The following PKP4 variants were observed in gnomAD, a reference collection of about 807,000 sequenced individuals.
PKP4 encodes the protein plakophilin-4.
In PKP4, 90 loss-of-function variants were observed where a neutral mutation model predicts 145.1. The observed-to-expected ratio is 0.62, with a 90% CI of 0.52 to 0.74. The LOEUF (loss-of-function observed/expected upper bound fraction) is 0.74. Among genes scored for constraint, PKP4 ranks in the 30% least tolerant of loss-of-function variants. The pLI, the probability that PKP4 is intolerant of heterozygous loss-of-function variation, is 0.00. For missense variants in PKP4, 1,340 were observed against 1,482.7 expected (o/e 0.90, Z 1.58); for synonymous variants, 563 against 577.2 (o/e 0.98, Z 0.35).
At chr2:158,555,760 G>T (rs569836632) in intron 2 of PKP4, among the ~76,000 whole-genome samples, 1 of 152,088 alleles carries the variant, frequency 6.6e-6, no homozygotes, top group South Asian at 2.1e-4. Flanking sequence ...GATATAATTC[G>T]TAGGGTGGCT....
intron 9 of PKP4, 74 bp from the exon 10 acceptor site, chr2:158,640,553 T>C: frequency 1.3e-6 from 2 of 1,517,872 alleles, no homozygotes; most frequent in Non-Finnish European, 9.0e-7. Flanking sequence ...TTTTTTTCCT[T>C]ATACCAAGTG....
intron 1 of PKP4, among the ~76,000 whole-genome samples, chr2:158,495,431 C>G (rs1191675818): frequency 6.6e-6 from 1 of 151,402 alleles, no homozygotes; most frequent in Non-Finnish European, 1.5e-5. Flanking sequence ...AATAATCAGA[C>G]AAGTGGACAA....
intron 2 of PKP4, among the ~76,000 whole-genome samples, chr2:158,554,499 C>T (rs190007477): frequency 3.2e-3 from 479 of 150,908 alleles, no homozygotes; most frequent in Middle Eastern, 0.014. Context: ...AATCTTGGCT[C>T]ACTGCAAGCT....
intron 1 of PKP4, among the ~76,000 whole-genome samples, chr2:158,483,367 G>GT (rs200262798): frequency 4.7e-4 from 17 of 35,808 alleles, no homozygotes; most frequent in African/African-American, 8.5e-4. Flanking sequence ...ATTGCTATGT[G>GT]TTTTTTTTTT....
intron 2 of PKP4, among the ~76,000 whole-genome samples, chr2:158,568,610 G>A (rs1306105394): frequency 3.3e-5 from 5 of 152,172 alleles, no homozygotes; most frequent in African/African-American, 4.8e-5. Flanking sequence ...ACATGGACCC[G>A]TGTGATGGTC....
At chr2:158,669,552 T>C in intron 16 of PKP4, 168 bp from the exon 17 acceptor site, 1 of 436,088 alleles carries the variant, frequency 2.3e-6, no homozygotes, top group Non-Finnish European at 4.1e-6. Flanking sequence ...TTTCCCCTTA[T>C]AATGACATTT....
chr2:158,528,636 T>TAAA (rs70994211), intron 1 of PKP4, among the ~76,000 whole-genome samples: 6 of 81,556 alleles, frequency 7.4e-5, no homozygotes, highest in Admixed American at 6.1e-4. Context: ...TAAAGTATAA[T>TAAA]AAAAAAAAAA....
At chr2:158,502,700 G>A (rs142457785) in intron 1 of PKP4, among the ~76,000 whole-genome samples, 110 of 152,312 alleles carry the variant, frequency 7.2e-4, no homozygotes, top group African/African-American at 2.5e-3. Context: ...CTGCCCAATT[G>A]CAATTGGTGC....
chr2:158,636,477 C>T (rs1407446959), intron 9 of PKP4, among the ~76,000 whole-genome samples: 1 of 152,004 alleles, frequency 6.6e-6, no homozygotes. Flanking sequence ...CTGTTTTATT[C>T]TGGTGAGCCT....
Position 158,673,923 on chromosome 2 carries a change from C to A in PKP4, c.3050C>A (p.Thr1017Lys). Residue 1017 changes from threonine (T) to lysine (K), a missense_variant, in exon 19 of 22, where the codon ACA becomes AAA. Physicochemically the swap from Thr to Lys is moderately conservative, Grantham distance 78 (BLOSUM62 -1). Transcript: ENST00000389759. ...AACCATTTTATTACACCTGTGTCGACATTGGAGCGAGACCGATTCAAATCA... is the reference window on the plus strand; with the variant it reads ...AACCATTTTATTACACCTGTGTCGAAATTGGAGCGAGACCGATTCAAATCA... ...NQNHFITPVSTLERDRFKSHP... is the reference protein window; with the variant it reads ...NQNHFITPVSKLERDRFKSHP... 6.2e-7 allele frequency: 1 copy of A among 1,613,136 alleles called. No homozygotes were observed. Among genetic ancestry groups the A allele is most frequent in the Non-Finnish European group, 8.5e-7 (1 of 1,179,046 alleles).
At chr2:158,490,940 A>G (rs905304673) in intron 1 of PKP4, among the ~76,000 whole-genome samples, 6 of 152,198 alleles carry the variant, frequency 3.9e-5, no homozygotes, top group African/African-American at 1.4e-4. Context: ...CCACGGCCGT[A>G]GGCATTTCTA....
At chr2:158,499,109 C>A (rs1696182366) in intron 1 of PKP4, among the ~76,000 whole-genome samples, 1 of 152,128 alleles carries the variant, frequency 6.6e-6, no homozygotes, top group Non-Finnish European at 1.5e-5. Flanking sequence ...TCCAAAATGG[C>A]AGTTACTTCA....
intron 1 of PKP4, among the ~76,000 whole-genome samples, chr2:158,504,841 C>A (rs1118906): frequency 0.68 from 103,188 of 152,078 alleles, 35,281 homozygotes; most frequent in South Asian, 0.84. Flanking sequence ...ATGTTGAAAT[C>A]TCTTTAGTGC....
chr2:158,622,944 A>G (rs570307468), intron 6 of PKP4, among the ~76,000 whole-genome samples: 2 of 152,298 alleles, frequency 1.3e-5, no homozygotes, highest in South Asian at 4.1e-4. Flanking sequence ...TATTGCCCTT[A>G]GTAATGATCA....
intron 19 of PKP4, among the ~76,000 whole-genome samples, chr2:158,675,858 T>C (rs1367157874): frequency 6.6e-6 from 1 of 152,184 alleles, no homozygotes; most frequent in Non-Finnish European, 1.5e-5. Flanking sequence ...GCAAAACCAC[T>C]GGTGTCAAGG....
At chr2:158,521,426 A>C (rs891068557) in intron 1 of PKP4, among the ~76,000 whole-genome samples, 1 of 152,214 alleles carries the variant, frequency 6.6e-6, no homozygotes, top group Non-Finnish European at 1.5e-5. Flanking sequence ...CTAGTGAAAA[A>C]TAAATTCATA....
chr2:158,643,548 AAAAAAT>A (rs2054507791), intron 11 of PKP4, among the ~76,000 whole-genome samples: 1 of 151,910 alleles, frequency 6.6e-6, no homozygotes, highest in African/African-American at 2.4e-5. Context: ...ACATCTCTAC[AAAAAAT>A]AAAAATAAGT....
chr2:158,600,661 G>C (rs552208110), intron 3 of PKP4, among the ~76,000 whole-genome samples: 2 of 152,272 alleles, frequency 1.3e-5, no homozygotes, highest in African/African-American at 2.4e-5. Flanking sequence ...TTTGAAGTGA[G>C]TAATTCAAAA....
chr2:158,561,969 C>T (rs776903818), intron 2 of PKP4, among the ~76,000 whole-genome samples: 2 of 149,716 alleles, frequency 1.3e-5, no homozygotes, highest in South Asian at 2.1e-4. Flanking sequence ...TGATGCTCCC[C>T]GCCCTGTGTC....
Sources: allele counts gnomAD v4.1 joint callset (sites outside exome capture counted in the v4.1 genomes callset), GRCh38; gene constraint gnomAD v4.1.1; transcripts MANE v1.5; gene names NCBI Gene and HGNC (gene_info 2026-07-23, HGNC 2026-07-21).